The following NDUFC1 variants were observed in gnomAD, a reference collection of about 807,000 sequenced individuals.
NDUFC1 encodes the protein NADH dehydrogenase [ubiquinone] 1 subunit C1, mitochondrial.
A neutral mutation model predicts 11.6 loss-of-function variants in NDUFC1; 11 were observed. The observed-to-expected ratio is 0.95, with a 90% CI of 0.60 to 1.58. The LOEUF is 1.58. Ranked by LOEUF, NDUFC1 falls within the 40% of genes most tolerant of loss-of-function variation. The pLI is 0.00. For synonymous variants in NDUFC1, 52 were observed against 42.2 expected (o/e 1.23, Z -0.90); for missense variants, 112 against 93.0 (o/e 1.20, Z -0.84).
chr4:139,295,868 G>T lies in NDUFC1; in HGVS notation c.-70C>A. The T allele has an allele frequency of 6.7e-7, 1 of 1,486,388 alleles. No homozygotes were observed. The highest frequency in any genetic ancestry group is 9.1e-7 in the Non-Finnish European group (1 of 1,099,696). 92.1% of individuals were successfully genotyped at this position (1,486,388 alleles called of 1,614,324 possible). A position where few individuals can be genotyped will look rare whatever the true frequency, so the allele number is the denominator to read the frequency against. On this transcript the variant is annotated 5_prime_UTR_variant, in exon 3 of 6. Transcript: ENST00000394223. Reference sequence around the variant, plus strand: ...GCGCCACCTGGCGGCCGGAAGTGCGGGACTCGAGGGCTCTGCAGCAGAGCT... The same window carrying T: ...GCGCCACCTGGCGGCCGGAAGTGCGTGACTCGAGGGCTCTGCAGCAGAGCT...
chr4:139,301,703 A>G, intron 1 of NDUFC1: 2 of 1,502,558 alleles, frequency 1.3e-6, no homozygotes, highest in Non-Finnish European at 1.8e-6. Flanking sequence ...CAGCTACGGA[A>G]CGGCAGCGGC....
chr4:139,302,034 T>G, intron 1 of NDUFC1: 1 of 463,652 alleles, frequency 2.2e-6, no homozygotes, highest in Non-Finnish European at 3.7e-6. Flanking sequence ...GGCTTCTTCA[T>G]TCCATCCCCA....
intron 1 of NDUFC1, among the ~76,000 whole-genome samples, chr4:139,299,799 C>G (rs1745630555): frequency 6.6e-6 from 1 of 152,156 alleles, no homozygotes; most frequent in Admixed American, 6.5e-5. Flanking sequence ...TCTGGCTCAT[C>G]TAATCAGGTA....
At chr4:139,295,650 C>T (rs1263042476) in intron 3 of NDUFC1, 82 bp downstream of exon 3, 1 of 1,441,668 alleles carries the variant, frequency 6.9e-7, no homozygotes, top group Non-Finnish European at 9.3e-7. Flanking sequence ...GGGCCGCTGC[C>T]GCCTCCTGCA....
Position 139,295,824 on chromosome 4 carries a change from C to G in NDUFC1, c.-26G>C, listed in dbSNP as rs1233425120. ...CTTGCGTGGCCCAGCTCAGTCTCTC[C>G]GAGTTGGCAACAGAACCAGCGCCAC... On this transcript the variant is annotated 5_prime_UTR_variant, in exon 3 of 6. Transcript: ENST00000394223. 7.1e-6 allele frequency: 11 copies of G among 1,543,158 alleles called. No individual in the cohort carries two copies. The highest frequency in any genetic ancestry group is 2.4e-5 in the South Asian group (2 of 83,438).
chr4:139,293,719 TACTTTA>T (rs893250113), intron 4 of NDUFC1, among the ~76,000 whole-genome samples: 8 of 152,106 alleles, frequency 5.3e-5, no homozygotes, highest in South Asian at 2.1e-4. Flanking sequence ...ATATAGCAGA[TACTTTA>T]ACTTTAAAAA....
chr4:139,294,637 A>G (rs1352596662), intron 4 of NDUFC1, among the ~76,000 whole-genome samples: 2 of 151,534 alleles, frequency 1.3e-5, no homozygotes, highest in Non-Finnish European at 2.9e-5. Flanking sequence ...TGGGAGGCTG[A>G]GGCAGGAGAA....
Position 139,295,882 on chromosome 4 carries a change from T to TGCAGCAGAGCTCC in NDUFC1, c.-97_-85dup. Reference sequence around the variant, plus strand: ...CCGGAAGTGCGGGACTCGAGGGCTCTGCAGCAGAGCTCCGTGGGGGCGTCA... The same window carrying TGCAGCAGAGCTCC: ...CCGGAAGTGCGGGACTCGAGGGCTCTGCAGCAGAGCTCCGCAGCAGAGCTCCGTGGGGGCGTCA... On this transcript the variant is annotated 5_prime_UTR_variant, in exon 3 of 6. Transcript: ENST00000394223. 7.2e-7 allele frequency: 1 copy of TGCAGCAGAGCTCC among 1,396,560 alleles called. No individual in the cohort carries two copies. Among genetic ancestry groups the TGCAGCAGAGCTCC allele is most frequent in the Non-Finnish European group, 9.7e-7 (1 of 1,030,566 alleles). The allele number at this position is 1,396,560 out of a possible 1,614,324, so 86.5% of individuals were successfully genotyped here.
chr4:139,295,897 T>C lies in NDUFC1; in HGVS notation c.-99A>G, dbSNP rs1182939358. The C allele has an allele frequency of 3.0e-5, 37 of 1,250,510 alleles. No individual in the cohort carries two copies. The East Asian group carries it at 1.0e-3, about 35-fold the overall frequency. 77.5% of individuals were successfully genotyped at this position (1,250,510 alleles called of 1,614,324 possible). ...TCGAGGGCTCTGCAGCAGAGCTCCG[T>C]GGGGGCGTCAACGTGAATTCCAGCA... On this transcript the variant is annotated 5_prime_UTR_variant, in exon 3 of 6. Transcript: ENST00000394223.
At chr4:139,299,582 C>G (rs769755901) in intron 1 of NDUFC1, among the ~76,000 whole-genome samples, 165 of 152,104 alleles carry the variant, frequency 1.1e-3, no homozygotes, top group Non-Finnish European at 2.0e-3. Flanking sequence ...AATGGGATCT[C>G]TATTTGTGAA....
At chr4:139,292,305 T>TACAA (rs1256147229) in intron 5 of NDUFC1, among the ~76,000 whole-genome samples, 2 of 151,254 alleles carry the variant, frequency 1.3e-5, no homozygotes, top group Non-Finnish European at 2.9e-5. Flanking sequence ...CCAACAGGTC[T>TACAA]ACAAACAAAC....
At chr4:139,299,073 G>A (rs1034511004) in intron 1 of NDUFC1, among the ~76,000 whole-genome samples, 2 of 151,890 alleles carry the variant, frequency 1.3e-5, no homozygotes, top group African/African-American at 4.8e-5. Flanking sequence ...AGGTTCAAGC[G>A]ATTGTCTTGC....
intron 5 of NDUFC1, among the ~76,000 whole-genome samples, 187 bp downstream of exon 5, chr4:139,292,343 C>A (rs1469351865): frequency 6.6e-6 from 1 of 151,634 alleles, no homozygotes; most frequent in Non-Finnish European, 1.5e-5. Context: ...AACCCCATCC[C>A]CCCCAAAACA....
chr4:139,298,379 G>A (rs1232301640), intron 1 of NDUFC1, among the ~76,000 whole-genome samples: 6 of 150,672 alleles, frequency 4.0e-5, no homozygotes, highest in Non-Finnish European at 7.4e-5. Context: ...GCAGAGTTGC[G>A]GTGAGCTGAG....
At chr4:139,292,775 A>G (rs377145617) in intron 4 of NDUFC1, among the ~76,000 whole-genome samples, 166 bp from the exon 5 acceptor site, 22 of 151,770 alleles carry the variant, frequency 1.4e-4, no homozygotes, top group African/African-American at 4.6e-4. Context: ...GCTCACCACA[A>G]TGTGACATCC....
At position 139,295,968 on chromosome 4, in the gene NDUFC1, G is replaced by T; in HGVS notation, c.-162-8C>A. 1 of 588,026 alleles carries T rather than the reference G, an allele frequency of 1.7e-6. No individual in the cohort carries two copies. Among genetic ancestry groups the T allele is most frequent in the Non-Finnish European group, 2.9e-6 (1 of 343,892 alleles). The allele number at this position is 588,026 out of a possible 1,614,324, so 36.4% of individuals were successfully genotyped here. A position where few individuals can be genotyped will look rare whatever the true frequency, so the allele number is the denominator to read the frequency against. Reference sequence around the variant, plus strand: ...CCGGCCTCAGCCTTCTGTCTATACAGTGGAATTAGGAAGAAAATAATTAAA... The same window carrying T: ...CCGGCCTCAGCCTTCTGTCTATACATTGGAATTAGGAAGAAAATAATTAAA... On this transcript the variant is annotated splice_polypyrimidine_tract_variant and splice_region_variant and intron_variant, in intron 2 of 5. Transcript: ENST00000394223.
intron 5 of NDUFC1, among the ~76,000 whole-genome samples, chr4:139,290,600 T>C (rs1309093753): frequency 3.3e-5 from 5 of 152,076 alleles, no homozygotes; most frequent in African/African-American, 9.7e-5. Flanking sequence ...ATGTTTATTA[T>C]ACAGCAGATA....
At chr4:139,291,775 A>T (rs1218589562) in intron 5 of NDUFC1, among the ~76,000 whole-genome samples, 1 of 152,168 alleles carries the variant, frequency 6.6e-6, no homozygotes, top group Non-Finnish European at 1.5e-5. Context: ...ATTTGTCATA[A>T]GTGCTATGAA....
chr4:139,291,175 G>A (rs1352194293), intron 5 of NDUFC1, among the ~76,000 whole-genome samples: 1 of 151,592 alleles, frequency 6.6e-6, no homozygotes, highest in African/African-American at 2.4e-5. Flanking sequence ...AGACCATGCA[G>A]AATAAACTAT....
Sources: gnomAD v4.1 joint callset for allele counts (sites outside exome capture counted in the v4.1 genomes callset) on GRCh38, gnomAD v4.1.1 for gene constraint, MANE v1.5 for transcripts, NCBI Gene and HGNC (gene_info 2026-07-23, HGNC 2026-07-21) for gene names.